The following TAFA4 variants were observed in gnomAD, a reference collection of about 807,000 sequenced individuals.
The protein encoded by TAFA4 is TAFA chemokine like family member 4.
TAFA4 carries 20 observed loss-of-function variants against 21.1 expected under a neutral mutation model. That is an observed-to-expected ratio of 0.95 (90% CI 0.67 to 1.38). The LOEUF (loss-of-function observed/expected upper bound fraction) is 1.38. TAFA4 is among the 40% of genes most tolerant of loss of function. The probability of loss-of-function intolerance (pLI) is 0.00; values close to 1 mark genes in which losing one functional copy is unlikely to be tolerated. For missense variants in TAFA4, 211 were observed against 180.9 expected (o/e 1.17, Z -0.95); for synonymous variants, 71 against 67.4 (o/e 1.05, Z -0.26).
intron 3 of TAFA4, among the ~76,000 whole-genome samples, chr3:68,830,292 T>C (rs1575629631): frequency 6.6e-6 from 1 of 152,354 alleles, no homozygotes; most frequent in East Asian, 1.9e-4. Flanking sequence ...GGTGTCAATT[T>C]TAGATCTTTC....
chr3:68,899,690 G>T (rs968813193), intron 1 of TAFA4, among the ~76,000 whole-genome samples: 1 of 152,090 alleles, frequency 6.6e-6, no homozygotes, highest in East Asian at 1.9e-4. Context: ...GGAAATATTA[G>T]GTCACGATCC....
chr3:68,879,985 A>T (rs1276655531), intron 3 of TAFA4, among the ~76,000 whole-genome samples: 2 of 152,186 alleles, frequency 1.3e-5, no homozygotes, highest in African/African-American at 4.8e-5. Context: ...TGAATTATTC[A>T]GGAAAACACA....
At chr3:68,780,645 G>A (rs1000687670) in intron 3 of TAFA4, among the ~76,000 whole-genome samples, 7 of 152,184 alleles carry the variant, frequency 4.6e-5, no homozygotes, top group African/African-American at 7.2e-5. Flanking sequence ...GGCTTCCTCA[G>A]CCACATGGAA....
intron 1 of TAFA4, among the ~76,000 whole-genome samples, chr3:68,927,315 A>T (rs1419385925): frequency 6.6e-6 from 1 of 152,260 alleles, no homozygotes; most frequent in Non-Finnish European, 1.5e-5. Flanking sequence ...AAGAAAATCA[A>T]GAAATAAAAC....
At chr3:68,904,525 T>G (rs964753894) in intron 1 of TAFA4, among the ~76,000 whole-genome samples, 3 of 152,204 alleles carry the variant, frequency 2.0e-5, no homozygotes, top group African/African-American at 4.8e-5. Context: ...ATTGCAAGTG[T>G]CTACGCAGGC....
At chr3:68,826,748 G>T (rs542148072) in intron 3 of TAFA4, among the ~76,000 whole-genome samples, 1 of 151,966 alleles carries the variant, frequency 6.6e-6, no homozygotes, top group East Asian at 1.9e-4. Context: ...ACAATGGAAG[G>T]AGGCTCAAGA....
At chr3:68,798,948 G>A (rs767395698) in intron 3 of TAFA4, among the ~76,000 whole-genome samples, 2 of 152,142 alleles carry the variant, frequency 1.3e-5, no homozygotes, top group East Asian at 3.9e-4. Flanking sequence ...AAATTAAGAT[G>A]AAAAGGAAAC....
chr3:68,857,520 T>C (rs1705097095), intron 3 of TAFA4, among the ~76,000 whole-genome samples: 1 of 152,184 alleles, frequency 6.6e-6, no homozygotes, highest in Non-Finnish European at 1.5e-5. Flanking sequence ...TACAAATCAT[T>C]GAAATTACAA....
chr3:68,913,337 G>T (rs961954088), intron 1 of TAFA4, among the ~76,000 whole-genome samples: 1 of 152,070 alleles, frequency 6.6e-6, no homozygotes, highest in Non-Finnish European at 1.5e-5. Context: ...TTAAATCCAG[G>T]AGAGTGACTC....
At chr3:68,788,308 C>T (rs1023629647) in intron 3 of TAFA4, among the ~76,000 whole-genome samples, 1 of 152,302 alleles carries the variant, frequency 6.6e-6, no homozygotes, top group African/African-American at 2.4e-5. Context: ...GGACAGCTGC[C>T]CTCACTGTCC....
At chr3:68,851,111 G>A (rs1425539888) in intron 3 of TAFA4, among the ~76,000 whole-genome samples, 1 of 152,096 alleles carries the variant, frequency 6.6e-6, no homozygotes, top group South Asian at 2.1e-4. Context: ...ACCAATGATA[G>A]ACTGGATAAA....
chr3:68,785,621 C>T (rs1461293575), intron 3 of TAFA4, among the ~76,000 whole-genome samples: 1 of 152,258 alleles, frequency 6.6e-6, no homozygotes, highest in Non-Finnish European at 1.5e-5. Flanking sequence ...GCACCGCGTG[C>T]AGCCCCGGTT....
At chr3:68,841,820 T>C (rs1188927818) in intron 3 of TAFA4, among the ~76,000 whole-genome samples, 1 of 152,092 alleles carries the variant, frequency 6.6e-6, no homozygotes. Context: ...CCTTGTGATA[T>C]TTTGCTGAGA....
At chr3:68,825,581 C>A (rs922206198) in intron 3 of TAFA4, among the ~76,000 whole-genome samples, 1 of 148,906 alleles carries the variant, frequency 6.7e-6, no homozygotes, top group African/African-American at 2.6e-5. Context: ...CCAGTATTAA[C>A]CTTACCTTAA....
At position 68,903,075 on chromosome 3, in the gene TAFA4, T is replaced by G. The variant is rs1252525043; in HGVS notation, c.-122-17765A>C. On this transcript the variant is annotated intron_variant, in intron 1 of 5. Transcript: ENST00000295569. ...AGCACCCTCCCTCTTCTTGTTAACA[T>G]TTATCTGTCCTGTAACAATGGCAGG... Among the ~76,000 whole-genome samples, 3 of 152,094 alleles carry G rather than the reference T, an allele frequency of 2.0e-5. No homozygotes were observed. In the East Asian group the frequency reaches 5.8e-4, roughly 29 times the overall value.
intron 3 of TAFA4, among the ~76,000 whole-genome samples, chr3:68,781,564 C>G (rs1405166954): frequency 2.6e-5 from 4 of 152,014 alleles, no homozygotes; most frequent in Non-Finnish European, 2.9e-5. Flanking sequence ...AAAGCTCATT[C>G]CAAAAGATAC....
intron 3 of TAFA4, among the ~76,000 whole-genome samples, chr3:68,847,212 T>C (rs1053421595): frequency 1.3e-5 from 2 of 152,242 alleles, no homozygotes; most frequent in African/African-American, 4.8e-5. Context: ...AGAGATGCCC[T>C]GCCCAGAGAG....
chr3:68,870,129 A>C (rs2089466175), intron 3 of TAFA4, among the ~76,000 whole-genome samples: 1 of 152,138 alleles, frequency 6.6e-6, no homozygotes, highest in Non-Finnish European at 1.5e-5. Context: ...AATACCTAGA[A>C]ATAAATTAAA....
At chr3:68,741,170 T>C (rs1702344234) in intron 4 of TAFA4, among the ~76,000 whole-genome samples, 2 of 152,230 alleles carry the variant, frequency 1.3e-5, no homozygotes, top group African/African-American at 4.8e-5. Context: ...TGTTTTTCTA[T>C]CTTTGTGGAA....
Sources: allele counts gnomAD v4.1 joint callset (sites outside exome capture counted in the v4.1 genomes callset), GRCh38; gene constraint gnomAD v4.1.1; transcripts MANE v1.5; gene names NCBI Gene and HGNC (gene_info 2026-07-23, HGNC 2026-07-21).